The following CFAP100 variants were observed in gnomAD, a reference collection of about 807,000 sequenced individuals.
CFAP100 encodes cilia and flagella associated protein 100.
Under a neutral mutation model 81.5 loss-of-function variants are expected in CFAP100, and 70 were observed. The observed-to-expected ratio is 0.86, with a 90% CI of 0.71 to 1.05. CFAP100 has a LOEUF of 1.05. Ranked by LOEUF, CFAP100 falls within the 50% of genes least tolerant of loss-of-function variation. The pLI is 0.00. For synonymous variants in CFAP100, 341 were observed against 314.8 expected, an observed-to-expected ratio of 1.08 and a Z score of -0.88; for missense variants, 811 against 776.5, an observed-to-expected ratio of 1.04 and a Z score of -0.53.
Position 126,403,209 on chromosome 3 carries a change from C to T in CFAP100, c.50-3963C>T, listed in dbSNP as rs111731047. On this transcript the variant is annotated intron_variant, in intron 2 of 16. Transcript: ENST00000352312. ...CAGAGGTCAGGAGAGTAGGCGGAAACGTGAGGGCATCAGCAAATCCGCTGG... is the reference window on the plus strand; with the variant it reads ...CAGAGGTCAGGAGAGTAGGCGGAAATGTGAGGGCATCAGCAAATCCGCTGG... 5.5e-3 allele frequency among the ~76,000 whole-genome samples: 840 copies of T among 151,956 alleles called. 5 individuals carry two copies. Among genetic ancestry groups the T allele is most frequent in the African/African-American group, 0.019 (782 of 41,412 alleles).
chr3:126,397,359 CCA>C (rs888853531), intron 2 of CFAP100, among the ~76,000 whole-genome samples: 2 of 152,006 alleles, frequency 1.3e-5, no homozygotes, highest in Admixed American at 1.3e-4. Context: ...TTTTTTTGCT[CCA>C]GAGTAAATTT....
intron 14 of CFAP100, 35 bp downstream of exon 14, chr3:126,433,239 G>A: frequency 3.7e-6 from 6 of 1,612,004 alleles, no homozygotes; most frequent in South Asian, 1.1e-5. Context: ...GAGGCCCAGG[G>A]TAAGGAGGGA....
chr3:126,410,541 A>G (rs1037955814), intron 3 of CFAP100, among the ~76,000 whole-genome samples: 1 of 151,192 alleles, frequency 6.6e-6, no homozygotes, highest in African/African-American at 2.4e-5. Flanking sequence ...TCACTCTGTC[A>G]CTCAGGCTGG....
Position 126,414,159 on chromosome 3 carries a change from G to A in CFAP100, c.205G>A (p.Glu69Lys), listed in dbSNP as rs1457300256. 6.2e-7 allele frequency: 1 copy of A among 1,613,828 alleles called. No individual in the cohort carries two copies. Among genetic ancestry groups the A allele is most frequent in the Admixed American group, 1.7e-5 (1 of 60,004 alleles). The change falls in exon 4 of 17, where the codon GAG (glutamate) becomes AAG (lysine). Residue 69 changes from glutamate to lysine, a missense_variant. Glu to Lys is a moderately conservative substitution (Grantham distance 56). Transcript: ENST00000352312. The part of the protein sequence containing the change: ...DVDFFLLRDQ[E>K]RNKALSERQQ... ...GGATTTCTTCTTGCTCAGAGATCAG[G>A]AGCGGAATAAGGCTCTCTCCGTGAG...
chr3:126,396,311 T>G (rs1308505295), intron 2 of CFAP100, among the ~76,000 whole-genome samples: 14 of 152,192 alleles, frequency 9.2e-5, no homozygotes, highest in Non-Finnish European at 7.3e-5. Flanking sequence ...TCCAAAAGGC[T>G]AGGTCCCTCC....
chr3:126,416,254 CG>C, intron 4 of CFAP100, 61 bp from the exon 5 acceptor site: 1 of 1,192,684 alleles, frequency 8.4e-7, no homozygotes, highest in South Asian at 1.5e-5. Flanking sequence ...GGGAACCGCG[CG>C]GGGAGGCCTG....
chr3:126,416,433 C>T lies in CFAP100; in HGVS notation c.343C>T (p.Leu115=). 3.1e-6 allele frequency: 5 copies of T among 1,611,550 alleles called. No individual in the cohort carries two copies. The highest frequency in any genetic ancestry group is 4.2e-6 in the Non-Finnish European group (5 of 1,179,348). ...GCAGCTGGAGGACAAGCAGGAGGAC[C>T]TGGAGGCGCGCGCCGAGGCCGAGCA... The part of the protein sequence containing the change: ...QLQLEDKQED[L]EARAEAEHQR... The change falls in exon 5 of 17, where the codon CTG becomes TTG. Residue 115 remains leucine, a synonymous_variant. Coordinates refer to ENST00000352312, the MANE Select transcript of CFAP100 (RefSeq NM_182628.3).
In CFAP100 at chr3:126,398,122, C is replaced by T. The variant is rs111823508; in HGVS notation, c.49+2073C>T. The stretch of plus-strand genomic sequence containing the variant: ...AGCTTTATGACTTTTGTGATGAGAA[C>T]GCTGTTCCCTAAGCCTTGGCAGAGG... On this transcript the variant is annotated intron_variant, in intron 2 of 16. Coordinates refer to ENST00000352312, the MANE Select transcript of CFAP100 (RefSeq NM_182628.3). Among the ~76,000 whole-genome samples, 525 of 151,670 alleles carry T rather than the reference C, an allele frequency of 3.5e-3. 2 individuals carry two copies. The highest frequency in any genetic ancestry group is 0.024 in the Middle Eastern group (7 of 292).
intron 5 of CFAP100, among the ~76,000 whole-genome samples, chr3:126,417,633 G>C (rs190311539): frequency 5.9e-5 from 9 of 152,324 alleles, no homozygotes; most frequent in Admixed American, 5.9e-4. Flanking sequence ...AAGTGACTGG[G>C]GAGGCGGGAC....
chr3:126,429,115 AAAAAAAAAAAAAAAAAAAAG>A (rs1371653155), intron 13 of CFAP100, among the ~76,000 whole-genome samples: 7 of 89,932 alleles, frequency 7.8e-5, no homozygotes, highest in African/African-American at 2.4e-4. Context: ...TCCAAAAAAA[AAAAAAAAAAAAAAAAAAAAG>A]AAAGGATTAC....
chr3:126,428,817 G>C (rs1014847905), intron 13 of CFAP100, among the ~76,000 whole-genome samples: 4 of 152,252 alleles, frequency 2.6e-5, no homozygotes, highest in Admixed American at 2.6e-4. Flanking sequence ...AGTTTAAAAA[G>C]GATTGCTGGC....
In CFAP100 at chr3:126,433,193, G is replaced by A. The variant is rs143408846; in HGVS notation, c.1411G>A (p.Gly471Ser). ...ARVFHFGEYKGDQQDKLLESL... is the reference protein window; with the variant it reads ...ARVFHFGEYKSDQQDKLLESL... Reference sequence around the variant, plus strand: ...AGTCTTCCACTTCGGCGAGTACAAGGGCGATCAGCAGGTAGGCTGGGGATC... The same window carrying A: ...AGTCTTCCACTTCGGCGAGTACAAGAGCGATCAGCAGGTAGGCTGGGGATC... The change falls in exon 14 of 17, where the codon GGC becomes AGC. Residue 471 changes from glycine to serine, a missense_variant. By Grantham distance (56) the Gly-to-Ser change is moderately conservative. Coordinates refer to ENST00000352312, the MANE Select transcript of CFAP100 (RefSeq NM_182628.3). 1 of 1,614,038 alleles carries A rather than the reference G, an allele frequency of 6.2e-7. No homozygotes were observed. Among genetic ancestry groups the A allele is most frequent in the African/African-American group, 1.3e-5 (1 of 74,932 alleles).
chr3:126,407,402 C>T, intron 3 of CFAP100, 150 bp downstream of exon 3: 2 of 554,908 alleles, frequency 3.6e-6, no homozygotes, highest in Non-Finnish European at 6.5e-6. Context: ...CTTGAAATAA[C>T]AGGCATGTAA....
rs1933452973 is a variant in CFAP100 at position 126,436,503 on chromosome 3, C to G, written c.*99C>G. 2 of 794,764 alleles carry G rather than the reference C, an allele frequency of 2.5e-6. No individual in the cohort carries two copies. The highest frequency in any genetic ancestry group is 2.7e-5 in the East Asian group (1 of 37,286). 49.2% of individuals were successfully genotyped at this position (794,764 alleles called of 1,614,324 possible). ...GTCTCGAGTGGCCCAACTGAGTCCT[C>G]TCTGTCTCCTGTGTGCTCCCTTCCT... On this transcript the variant is annotated 3_prime_UTR_variant, in exon 17 of 17. Transcript: ENST00000352312.
chr3:126,414,684 A>G (rs2083206679), intron 4 of CFAP100, among the ~76,000 whole-genome samples: 1 of 152,190 alleles, frequency 6.6e-6, no homozygotes, highest in South Asian at 2.1e-4. Context: ...TCCCTGGGCC[A>G]GCACCGACCC....
intron 5 of CFAP100, 60 bp downstream of exon 5, chr3:126,416,568 G>T: frequency 7.2e-7 from 1 of 1,397,756 alleles, no homozygotes; most frequent in Non-Finnish European, 9.6e-7. Flanking sequence ...CGCAGCTCAG[G>T]GGGCGCGCCT....
In CFAP100 at chr3:126,401,398, TATATATATATATATATATATATATATATA is replaced by T. The variant is rs1158329301; in HGVS notation, c.49+5350_49+5378del. ...TGGCATAAAATGGCAAATCGTATTT[TATATATATATATATATATATATATATATA>T]TATATATATATATATAGTATTATGT... On this transcript the variant is annotated intron_variant, in intron 2 of 16. Coordinates refer to ENST00000352312, the MANE Select transcript of CFAP100 (RefSeq NM_182628.3). 3.8e-3 allele frequency among the ~76,000 whole-genome samples: 61 copies of T among 15,932 alleles called. 1 individual carries two copies. The East Asian group carries it at 0.054, about 14-fold the overall frequency. The allele number at this position is 15,932 out of a possible 152,430, so 10.5% of individuals were successfully genotyped here. A position where few individuals can be genotyped will look rare whatever the true frequency, so the allele number is the denominator to read the frequency against.
intron 2 of CFAP100, among the ~76,000 whole-genome samples, chr3:126,401,108 C>T (rs546994116): frequency 1.3e-5 from 2 of 151,632 alleles, no homozygotes; most frequent in African/African-American, 2.4e-5. Context: ...TGTATGATTC[C>T]GCTCATATAA....
chr3:126,404,854 T>C (rs2083039696), intron 2 of CFAP100, among the ~76,000 whole-genome samples: 1 of 152,160 alleles, frequency 6.6e-6, no homozygotes, highest in Non-Finnish European at 1.5e-5. Context: ...TTTGTATTTT[T>C]AGTAGAGACG....
Sources: gnomAD v4.1 joint callset for allele counts (sites outside exome capture counted in the v4.1 genomes callset) on GRCh38, gnomAD v4.1.1 for gene constraint, MANE v1.5 for transcripts, NCBI Gene and HGNC (gene_info 2026-07-23, HGNC 2026-07-21) for gene names.